KLHL11: variants seen among roughly 807,000 people sequenced by gnomAD.
The protein encoded by KLHL11 is kelch-like protein 11.
In KLHL11, 26 loss-of-function variants were observed where a neutral mutation model predicts 56.1. The ratio of observed to expected loss-of-function variants is 0.46; its 90% CI spans 0.34 to 0.64. The LOEUF is 0.64. KLHL11 is among the 30% of genes least tolerant of loss of function. The pLI is 0.01. For synonymous variants in KLHL11, 338 were observed against 345.8 expected (o/e 0.98, Z 0.25); for missense variants, 627 against 919.4 (o/e 0.68, Z 4.11).
At chr17:41,861,247 G>A (rs1297074179) in intron 1 of KLHL11, among the ~76,000 whole-genome samples, 2 of 152,278 alleles carry the variant, frequency 1.3e-5, no homozygotes, top group African/African-American at 4.8e-5. Flanking sequence ...CTGTCTTGAT[G>A]CATTCCAAGC....
Position 41,865,414 on chromosome 17 carries a change from G to A in KLHL11, c.-44C>T, listed in dbSNP as rs1015469560. On this transcript the variant is annotated 5_prime_UTR_variant, in exon 1 of 2. Transcript: ENST00000319121. ...GGCCTCCACAGCCTCGGAACGATGC[G>A]GCTGTTGGTACGACACAGAGGGATT... is the stretch of plus-strand genomic sequence containing the variant. 1.6e-6 allele frequency: 2 copies of A among 1,212,860 alleles called. No individual in the cohort carries two copies. Among genetic ancestry groups the A allele is most frequent in the African/African-American group, 1.6e-5 (1 of 61,506 alleles). 75.1% of individuals were successfully genotyped at this position (1,212,860 alleles called of 1,614,324 possible). A position where few individuals can be genotyped will look rare whatever the true frequency, so the allele number is the denominator to read the frequency against.
At chr17:41,857,848 C>A (rs1343084882) in intron 1 of KLHL11, among the ~76,000 whole-genome samples, 1 of 152,010 alleles carries the variant, frequency 6.6e-6, no homozygotes, top group Non-Finnish European at 1.5e-5. Flanking sequence ...CGGTGTTTCA[C>A]TCTTGCTGCC....
chr17:41,861,686 CAAAAAAAAAAA>C (rs71155178), intron 1 of KLHL11, among the ~76,000 whole-genome samples: 6 of 61,856 alleles, frequency 9.7e-5, no homozygotes, highest in Non-Finnish European at 1.4e-4. Context: ...ACTCTTGTCT[CAAAAAAAAAAA>C]AAAAAAAAAA....
chr17:41,863,821 T>C (rs1390378639), intron 1 of KLHL11, among the ~76,000 whole-genome samples: 2 of 152,296 alleles, frequency 1.3e-5, no homozygotes, highest in East Asian at 3.9e-4. Flanking sequence ...TCATAGGGCA[T>C]TCTCTATCCA....
chr17:41,861,611 G>A (rs1379401209), intron 1 of KLHL11, among the ~76,000 whole-genome samples: 2 of 149,036 alleles, frequency 1.3e-5, no homozygotes, highest in South Asian at 2.1e-4. Flanking sequence ...GCTTGAACCC[G>A]GCAGGCAGAG....
At position 41,853,650 on chromosome 17, in the gene KLHL11, G is replaced by A; in HGVS notation, c.*90C>T. On this transcript the variant is annotated 3_prime_UTR_variant, in exon 2 of 2. Coordinates refer to ENST00000319121, the MANE Select transcript of KLHL11 (RefSeq NM_018143.3). ...AATAATCAGTTCATGTAGAAAATAAGTTATCGACATACTTTTTTAAATAAC... is the reference window on the plus strand; with the variant it reads ...AATAATCAGTTCATGTAGAAAATAAATTATCGACATACTTTTTTAAATAAC... 7.0e-7 allele frequency: 1 copy of A among 1,436,644 alleles called. No individual in the cohort carries two copies. The highest frequency in any genetic ancestry group is 2.2e-5 in the Admixed American group (1 of 44,726). The allele number at this position is 1,436,644 out of a possible 1,614,324, so 89.0% of individuals were successfully genotyped here.
chr17:41,853,282 T>TAGGAG lies in KLHL11; in HGVS notation c.*457_*458insCTCCT, dbSNP rs2144150728. ...TTCATTCAAATTTCAGTCTCACTAT[T>TAGGAG]GCACATGCCTCCTGCAGATGAGGGC... On this transcript the variant is annotated 3_prime_UTR_variant, in exon 2 of 2. Coordinates refer to ENST00000319121, the MANE Select transcript of KLHL11 (RefSeq NM_018143.3). Among the ~76,000 whole-genome samples, 1 of 152,350 alleles carries TAGGAG rather than the reference T, an allele frequency of 6.6e-6. No homozygotes were observed. The highest frequency in any genetic ancestry group is 2.1e-4 in the South Asian group (1 of 4,828).
chr17:41,853,731 TGA>T lies in KLHL11; in HGVS notation c.*7_*8del, dbSNP rs782658735. On this transcript the variant is annotated 3_prime_UTR_variant, in exon 2 of 2. Transcript: ENST00000319121. The stretch of plus-strand genomic sequence containing the variant: ...GTGTAACAGTTTTAATCGGCACGCT[TGA>T]GAGAACCTAGCATTCAATCTGAGAG... 6.2e-7 allele frequency: 1 copy of T among 1,600,132 alleles called. No homozygotes were observed. Among genetic ancestry groups the T allele is most frequent in the South Asian group, 1.1e-5 (1 of 89,804 alleles).
rs900470130 is a variant in KLHL11, at chr17:41,849,921, C to G, written c.*3819G>C. On this transcript the variant is annotated 3_prime_UTR_variant, in exon 2 of 2. Transcript: ENST00000319121. ...ACTTTTTGGTATAATAACTTCCTCTCTCTTCTACAAACAAAAGCAAAAGCA... is the reference window on the plus strand; with the variant it reads ...ACTTTTTGGTATAATAACTTCCTCTGTCTTCTACAAACAAAAGCAAAAGCA... 2.0e-5 allele frequency: 3 copies of G among 152,194 alleles called. No individual in the cohort carries two copies. The highest frequency in any genetic ancestry group is 7.2e-5 in the African/African-American group (3 of 41,458). 9.4% of individuals were successfully genotyped at this position (152,194 alleles called of 1,614,324 possible).
Position 41,851,740 on chromosome 17 carries a change from T to C in KLHL11, c.*2000A>G, listed in dbSNP as rs2144148833. On this transcript the variant is annotated 3_prime_UTR_variant, in exon 2 of 2. Coordinates refer to ENST00000319121, the MANE Select transcript of KLHL11 (RefSeq NM_018143.3). ...CGGCAACATGGAGAAACCCCATCTCTACCAAAAATACAAAAAAAAAATTAG... is the reference window on the plus strand; with the variant it reads ...CGGCAACATGGAGAAACCCCATCTCCACCAAAAATACAAAAAAAAAATTAG... Among the ~76,000 whole-genome samples the C allele has an allele frequency of 6.6e-6, 1 of 151,056 alleles. No individual in the cohort carries two copies.
chr17:41,855,425 T>A, intron 1 of KLHL11, 104 bp from the exon 2 acceptor site: 1 of 814,802 alleles, frequency 1.2e-6, no homozygotes, highest in South Asian at 1.9e-5. Context: ...GCCACCCAGG[T>A]TGGAGTGCAG....
Position 41,864,868 on chromosome 17 carries a change from A to G in KLHL11, c.503T>C (p.Val168Ala). The change falls in exon 1 of 2, where the codon GTC (valine) becomes GCC (alanine). Residue 168 changes from valine to alanine, a missense_variant. Val to Ala is a moderately conservative substitution (Grantham distance 64). Transcript: ENST00000319121. Reference protein sequence around the residue: ...IEYMYTGRIRVSTGSVHEVLE... With the variant: ...IEYMYTGRIRASTGSVHEVLE... The stretch of plus-strand genomic sequence containing the variant: ...CACCTCGTGCACGCTGCCCGTGCTG[A>G]CGCGGATGCGCCCGGTGTACATGTA... 1 of 1,571,006 alleles carries G rather than the reference A, an allele frequency of 6.4e-7. No individual in the cohort carries two copies. The highest frequency in any genetic ancestry group is 8.6e-7 in the Non-Finnish European group (1 of 1,156,080).
Position 41,859,632 on chromosome 17 carries a change from C to T in KLHL11, c.546-4311G>A, listed in dbSNP as rs574860191. 7.2e-5 allele frequency among the ~76,000 whole-genome samples: 11 copies of T among 152,030 alleles called. No individual in the cohort carries two copies. The South Asian group carries it at 2.1e-3, about 29-fold the overall frequency. On this transcript the variant is annotated intron_variant, in intron 1 of 1. Coordinates refer to ENST00000319121, the MANE Select transcript of KLHL11 (RefSeq NM_018143.3). ...GGCGTGGTGGCGTGCATCTGTTATC[C>T]CAGCTACTCAGGAGCCTGAGGCATA... is the stretch of plus-strand genomic sequence containing the variant.
At position 41,854,322 on chromosome 17, in the gene KLHL11, G is replaced by C; in HGVS notation, c.1545C>G (p.Asp515Glu). The change falls in exon 2 of 2, where the codon GAC (aspartate) becomes GAG (glutamate). Residue 515 changes from aspartate to glutamate, a missense_variant. Transcript: ENST00000319121. The surrounding 1 kb of genome is among the most constrained non-coding windows in gnomAD (Gnocchi z 4.9). ...YIAARTPVDR[D>E]TEDGLKAVIT... ...TTACAGCCTTTAATCCATCTTCAGTGTCCCGGTCTACAGGAGTGCGGGCGG... is the reference window on the plus strand; with the variant it reads ...TTACAGCCTTTAATCCATCTTCAGTCTCCCGGTCTACAGGAGTGCGGGCGG... The C allele has an allele frequency of 6.2e-7, 1 of 1,614,180 alleles. No homozygotes were observed. Among genetic ancestry groups the C allele is most frequent in the Non-Finnish European group, 8.5e-7 (1 of 1,180,028 alleles).
chr17:41,851,525 C>G lies in KLHL11; in HGVS notation c.*2215G>C, dbSNP rs2048331802. 1 of 151,380 alleles carries G rather than the reference C, an allele frequency of 6.6e-6. No homozygotes were observed. The highest frequency in any genetic ancestry group is 6.6e-5 in the Admixed American group (1 of 15,176). 9.4% of individuals were successfully genotyped at this position (151,380 alleles called of 1,614,324 possible). A position where few individuals can be genotyped will look rare whatever the true frequency, so the allele number is the denominator to read the frequency against. On this transcript the variant is annotated 3_prime_UTR_variant, in exon 2 of 2. Transcript: ENST00000319121. ...GCTGAGGCAGGAGAATCACATGAAC[C>G]CGGGAGGTGGAGGTTGCAGTGAGCT... is the stretch of plus-strand genomic sequence containing the variant.
Position 41,864,897 on chromosome 17 carries a change from G to A in KLHL11, c.474C>T (p.Ile158=), listed in dbSNP as rs1207607364. 1.2e-6 allele frequency: 2 copies of A among 1,608,974 alleles called. No individual in the cohort carries two copies. The highest frequency in any genetic ancestry group is 1.7e-6 in the Non-Finnish European group (2 of 1,177,896). The stretch of plus-strand genomic sequence containing the variant: ...GGATGCGCCCGGTGTACATGTACTC[G>A]ATTACGGCTTCCACTGTGTCGGGTT... ...GPEPDTVEAV[I]EYMYTGRIRV... The change falls in exon 1 of 2, where the codon ATC becomes ATT. Residue 158 remains isoleucine (I), a synonymous_variant. Transcript: ENST00000319121.
rs782033001 is a variant in KLHL11 at position 41,864,885 on chromosome 17, G to A, written c.486C>T (p.Tyr162=). Residue 162 remains tyrosine (Y), a synonymous_variant, in exon 1 of 2, where the codon TAC becomes TAT. Coordinates refer to ENST00000319121, the MANE Select transcript of KLHL11 (RefSeq NM_018143.3). ...DTVEAVIEYM[Y]TGRIRVSTGS... is the part of the protein sequence containing the mutation. ...CCGTGCTGACGCGGATGCGCCCGGT[G>A]TACATGTACTCGATTACGGCTTCCA... 2 of 1,603,614 alleles carry A rather than the reference G, an allele frequency of 1.2e-6. No homozygotes were observed. Among genetic ancestry groups the A allele is most frequent in the Middle Eastern group, 1.7e-4 (1 of 6,024 alleles).
chr17:41,848,921 T>C lies in KLHL11; in HGVS notation c.*4819A>G, dbSNP rs4796616. The C allele has an allele frequency of 0.9, 137,766 of 152,380 alleles. 62,415 individuals are homozygous for C. Among genetic ancestry groups the C allele is most frequent in the East Asian group, 1 (5,181 of 5,182 alleles). 9.4% of individuals were successfully genotyped at this position (152,380 alleles called of 1,614,324 possible). A position where few individuals can be genotyped will look rare whatever the true frequency, so the allele number is the denominator to read the frequency against. ...TCGTAGTGATGGTCACTGAGTAAGA[T>C]AAAAAGCCCTACAAGTGTAATAAAC... On this transcript the variant is annotated 3_prime_UTR_variant, in exon 2 of 2. Transcript: ENST00000319121.
intron 1 of KLHL11, among the ~76,000 whole-genome samples, chr17:41,859,242 C>G (rs529328842): frequency 6.6e-6 from 1 of 152,164 alleles, no homozygotes; most frequent in South Asian, 2.1e-4. Context: ...AAAACAAAAA[C>G]ACAACAAAAA....
Sources: gnomAD v4.1 joint callset for allele counts (sites outside exome capture counted in the v4.1 genomes callset) on GRCh38, gnomAD v4.1.1 for gene constraint, Gnocchi (gnomAD v3.1) non-coding constraint, MANE v1.5 for transcripts, NCBI Gene and HGNC (gene_info 2026-07-23, HGNC 2026-07-21) for gene names.